FAM13B: variants seen among roughly 807,000 people sequenced by gnomAD.
FAM13B encodes protein FAM13B.
FAM13B carries 60 observed loss-of-function variants against 117.3 expected under a neutral mutation model. The ratio of observed to expected loss-of-function variants is 0.51; its 90% CI spans 0.42 to 0.63. FAM13B has a LOEUF of 0.63. Among genes scored for constraint, FAM13B ranks in the 30% least tolerant of loss-of-function variants. The pLI, the probability that FAM13B is intolerant of heterozygous loss-of-function variation, is 0.00. For missense variants in FAM13B, 972 were observed against 1,091.9 expected (o/e 0.89, Z 1.55); for synonymous variants, 332 against 356.1 (o/e 0.93, Z 0.76).
chr5:137,953,295 A>G (rs1185606991), intron 16 of FAM13B, 41 bp downstream of exon 16: 2 of 1,606,098 alleles, frequency 1.2e-6, no homozygotes, highest in African/African-American at 1.3e-5. Flanking sequence ...CTCAGTTCTA[A>G]TATTAGATTA....
intron 10 of FAM13B, among the ~76,000 whole-genome samples, chr5:137,967,113 A>G (rs540693480): frequency 1.1e-4 from 15 of 142,806 alleles, no homozygotes; most frequent in South Asian, 4.3e-4. Context: ...TAAAAAAGGG[A>G]AAAAAAAAAA....
chr5:138,031,451 G>A lies in FAM13B; in HGVS notation c.-203+1331C>T, dbSNP rs183758223. 4.5e-3 allele frequency among the ~76,000 whole-genome samples: 683 copies of A among 152,316 alleles called. 1 individual carries two copies. The highest frequency in any genetic ancestry group is 0.01 in the Middle Eastern group (3 of 294). On this transcript the variant is annotated intron_variant, in intron 1 of 23. Coordinates refer to ENST00000689681, the MANE Select transcript of FAM13B (RefSeq NM_001385994.1). The stretch of plus-strand genomic sequence containing the variant: ...GCCTGTAATCCCAGAACTCTGGGAG[G>A]CTGAGGCAGGCGGATCACTTGAGGT...
chr5:137,962,534 A>C, intron 10 of FAM13B, 65 bp from the exon 11 acceptor site: 1 of 1,450,950 alleles, frequency 6.9e-7, no homozygotes, highest in Non-Finnish European at 9.5e-7. Flanking sequence ...GAAGTTGCCA[A>C]TCTAAATTAG....
chr5:137,966,474 TATATATATATATATAGAGAG>T lies in FAM13B; in HGVS notation c.1180-4025_1180-4006del, dbSNP rs1352202755. On this transcript the variant is annotated intron_variant, in intron 10 of 23. Coordinates refer to ENST00000689681, the MANE Select transcript of FAM13B (RefSeq NM_001385994.1). ...GAAATAGATTTTATATATATATATA[TATATATATATATATAGAGAG>T]AGAGAGAGAGAGAGAGAGAGAGAGA... Among the ~76,000 whole-genome samples the T allele has an allele frequency of 5.8e-5, 4 of 69,280 alleles. No homozygotes were observed. In the Admixed American group the frequency reaches 7.4e-4, roughly 13 times the overall value. The allele number at this position is 69,280 out of a possible 152,430, so 45.5% of individuals were successfully genotyped here. A position where few individuals can be genotyped will look rare whatever the true frequency, so the allele number is the denominator to read the frequency against.
Position 137,948,978 on chromosome 5 carries a change from T to G in FAM13B, c.2137A>C (p.Arg713=). ...LKRLKEKRIE[R]CLPEDIKKMT... ...ACCTTGATATCTTCTGGAAGACACCTCTCAATACGTTTTTCTTTCAGTCTT... is the reference window on the plus strand; with the variant it reads ...ACCTTGATATCTTCTGGAAGACACCGCTCAATACGTTTTTCTTTCAGTCTT... The change falls in exon 18 of 24, where the codon AGG becomes CGG. Residue 713 remains arginine, a synonymous_variant. Transcript: ENST00000689681. The G allele has an allele frequency of 1.2e-6, 2 of 1,613,638 alleles. No individual in the cohort carries two copies. The highest frequency in any genetic ancestry group is 1.7e-6 in the Non-Finnish European group (2 of 1,179,884).
intron 10 of FAM13B, among the ~76,000 whole-genome samples, chr5:137,968,833 A>G (rs1443489433): frequency 2.0e-5 from 3 of 152,188 alleles, no homozygotes; most frequent in Non-Finnish European, 4.4e-5. Context: ...TTTCCTAGTC[A>G]AAGAAAGTGG....
chr5:137,982,613 G>A (rs1776080450), intron 10 of FAM13B, among the ~76,000 whole-genome samples: 1 of 152,096 alleles, frequency 6.6e-6, no homozygotes, highest in Admixed American at 6.6e-5. Flanking sequence ...GAATACACAG[G>A]GACATAGAAA....
At chr5:137,945,588 T>TA (rs1190418349) in intron 20 of FAM13B, among the ~76,000 whole-genome samples, 2 of 152,220 alleles carry the variant, frequency 1.3e-5, no homozygotes, top group Non-Finnish European at 2.9e-5. Flanking sequence ...ACTTACAAAG[T>TA]AGATTAGGCA....
intron 1 of FAM13B, among the ~76,000 whole-genome samples, chr5:138,022,600 T>C (rs568157838): frequency 1.1e-3 from 166 of 152,342 alleles, no homozygotes; most frequent in Non-Finnish European, 2.2e-3. Flanking sequence ...GTAGTTAATC[T>C]ACCTATCTAT....
Position 138,043,035 on chromosome 5 carries a change from T to C in FAM13B, c.-203+8843A>G, listed in dbSNP as rs1237846506. 6.6e-5 allele frequency among the ~76,000 whole-genome samples: 10 copies of C among 151,980 alleles called. 1 individual carries two copies. The highest frequency in any genetic ancestry group is 5.2e-4 in the Admixed American group (8 of 15,270). Reference sequence around the variant, plus strand: ...CGAACCCAGGAAGTGGAGGTTACAGTGAGCTGAGATCGTGCCACTTCATCC... The same window carrying C: ...CGAACCCAGGAAGTGGAGGTTACAGCGAGCTGAGATCGTGCCACTTCATCC... On this transcript the variant is annotated intron_variant, in intron 1 of 3. Transcript: ENST00000502471.
At chr5:138,029,502 T>A (rs1789343722) in intron 1 of FAM13B, among the ~76,000 whole-genome samples, 1 of 152,204 alleles carries the variant, frequency 6.6e-6, no homozygotes, top group Non-Finnish European at 1.5e-5. Context: ...ACAGTAATAG[T>A]TTCAAAGTGA....
At position 137,981,077 on chromosome 5, in the gene FAM13B, A is replaced by ATTTTT. The variant is rs56799832; in HGVS notation, c.1179+4175_1179+4179dup. Among the ~76,000 whole-genome samples the ATTTTT allele has an allele frequency of 2.6e-4, 16 of 60,466 alleles. 1 individual carries two copies. The highest frequency in any genetic ancestry group is 9.2e-4 in the African/African-American group (13 of 14,146). The allele number at this position is 60,466 out of a possible 152,430, so 39.7% of individuals were successfully genotyped here. A position where few individuals can be genotyped will look rare whatever the true frequency, so the allele number is the denominator to read the frequency against. On this transcript the variant is annotated intron_variant, in intron 10 of 23. Transcript: ENST00000689681. ...CAGGGGAGCACCACTACACCTGGCT[A>ATTTTT]TTTTTTTTTTTTTTTTTTTTTTTTT... is the stretch of plus-strand genomic sequence containing the variant.
intron 7 of FAM13B, among the ~76,000 whole-genome samples, chr5:137,989,102 A>G (rs1372857016): frequency 6.6e-6 from 1 of 152,250 alleles, no homozygotes; most frequent in Non-Finnish European, 1.5e-5. Flanking sequence ...CACAGCCAAC[A>G]CTTAGCCATA....
intron 10 of FAM13B, among the ~76,000 whole-genome samples, chr5:137,976,728 T>A (rs867004209): frequency 1.2e-4 from 19 of 152,204 alleles, no homozygotes; most frequent in African/African-American, 3.4e-4. Context: ...GCTTATCACC[T>A]CCCCAATCAA....
chr5:138,044,149 G>GA (rs1268213283), intron 1 of FAM13B, among the ~76,000 whole-genome samples: 1 of 151,276 alleles, frequency 6.6e-6, no homozygotes, highest in African/African-American at 2.4e-5. Flanking sequence ...GGCTGGTCTT[G>GA]AACTCCTGGC....
At chr5:137,955,628 T>C (rs1171966172) in intron 14 of FAM13B, among the ~76,000 whole-genome samples, 3 of 152,128 alleles carry the variant, frequency 2.0e-5, no homozygotes, top group African/African-American at 7.2e-5. Flanking sequence ...ATTAGCTTTT[T>C]ATTTATTTAT....
chr5:137,961,887 T>G (rs1195937484), intron 11 of FAM13B, among the ~76,000 whole-genome samples: 2 of 151,982 alleles, frequency 1.3e-5, no homozygotes, highest in Non-Finnish European at 2.9e-5. Context: ...AGACTCTACA[T>G]TAGTCGAAAT....
chr5:137,953,471 T>TTAAA lies in FAM13B; in HGVS notation c.1719-10_1719-7dup, dbSNP rs773618518. On this transcript the variant is annotated splice_region_variant and splice_polypyrimidine_tract_variant and intron_variant, in intron 15 of 23. Transcript: ENST00000689681. ...TAAAGGATGATCTTCGAATTCTGAA[T>TTAAA]TAAAACAAAAGGCCAACACTGTTAA... The TTAAA allele has an allele frequency of 6.2e-7, 1 of 1,613,276 alleles. No homozygotes were observed. The highest frequency in any genetic ancestry group is 1.7e-5 in the Admixed American group (1 of 59,974).
At chr5:138,001,460 T>C (rs1218082415) in intron 7 of FAM13B, among the ~76,000 whole-genome samples, 5 of 152,220 alleles carry the variant, frequency 3.3e-5, no homozygotes, top group Admixed American at 3.3e-4. Context: ...ATTTGCTATA[T>C]ATGTAATTTT....
Sources: gnomAD v4.1 joint callset for allele counts (sites outside exome capture counted in the v4.1 genomes callset) on GRCh38, gnomAD v4.1.1 for gene constraint, MANE v1.5 for transcripts, NCBI Gene and HGNC (gene_info 2026-07-23, HGNC 2026-07-21) for gene names.